The following SPINK1 variants were observed in gnomAD, a reference collection of about 807,000 sequenced individuals.
SPINK1 encodes serine peptidase inhibitor Kazal type 1, also known as serine protease inhibitor Kazal-type 1.
A neutral mutation model predicts 9.5 loss-of-function variants in SPINK1; 5 were observed. The observed-to-expected ratio is 0.52, with a 90% confidence interval of 0.27 to 1.10. The LOEUF (loss-of-function observed/expected upper bound fraction) is 1.10. Among genes scored for constraint, SPINK1 ranks in the 50% least tolerant of loss-of-function variants. SPINK1 has a pLI of 0.11. For synonymous variants in SPINK1, 37 were observed against 32.3 expected, an observed-to-expected ratio of 1.14 and a Z score of -0.49; for missense variants, 88 against 92.7, an observed-to-expected ratio of 0.95 and a Z score of 0.21.
intron 1 of SPINK1, among the ~76,000 whole-genome samples, 174 bp from the exon 2 acceptor site, chr5:147,829,804 C>T (rs1049657183): frequency 6.6e-6 from 1 of 152,144 alleles, no homozygotes; most frequent in Non-Finnish European, 1.5e-5. Flanking sequence ...TTTTCCTGTA[C>T]CCCTTCCTTG....
intron 1 of SPINK1, among the ~76,000 whole-genome samples, chr5:147,830,256 A>G (rs1341338372): frequency 6.6e-6 from 1 of 152,180 alleles, no homozygotes. Flanking sequence ...TCTAACTCAC[A>G]TTTGTTGAAT....
chr5:147,831,633 T>C lies in SPINK1; in HGVS notation c.-56A>G. 6.2e-7 allele frequency: 1 copy of C among 1,607,668 alleles called. No individual in the cohort carries two copies. The highest frequency in any genetic ancestry group is 1.1e-5 in the South Asian group (1 of 90,432). ...AAAACTGCACCGCACTTACCACGTC[T>C]CTTCAGAAGCCTGGGACTGGAAGGG... On this transcript the variant is annotated 5_prime_UTR_variant, in exon 1 of 4. Transcript: ENST00000296695.
At chr5:147,835,496 T>C (rs1293577405), upstream of SPINK1, among the ~76,000 whole-genome samples, 1 of 152,132 alleles carries the variant, frequency 6.6e-6, no homozygotes, top group African/African-American at 2.4e-5. Flanking sequence ...TGAATGTGTT[T>C]ACATTGCTCA....
rs1756446420 is a variant in SPINK1 at position 147,828,185 on chromosome 5, G to A, written c.88-57C>T. The A allele has an allele frequency of 6.8e-6, 9 of 1,322,108 alleles. No individual in the cohort carries two copies. In the Admixed American group the frequency reaches 1.3e-4, roughly 18 times the overall value. 81.9% of individuals were successfully genotyped at this position (1,322,108 alleles called of 1,614,324 possible). A position where few individuals can be genotyped will look rare whatever the true frequency, so the allele number is the denominator to read the frequency against. On this transcript the variant is annotated intron_variant, in intron 2 of 3. Coordinates refer to ENST00000296695, the MANE Select transcript of SPINK1 (RefSeq NM_001379610.1). ...ATTATTCTCCATTCTTGAGTTCATA[G>A]CAAAATCTCTGAAATGGTTTTATTT...
upstream of SPINK1, among the ~76,000 whole-genome samples, chr5:147,836,296 T>TTGTGTGTGTGTGTGTGTG (rs58122057): frequency 2.1e-4 from 31 of 146,544 alleles, no homozygotes; most frequent in African/African-American, 6.5e-4. Context: ...ATTTACTGAT[T>TTGTGTGTGTGTGTGTGTG]TGTGTGTGTG....
intron 3 of SPINK1, among the ~76,000 whole-genome samples, chr5:147,825,844 C>T (rs1756394430): frequency 6.6e-6 from 1 of 152,200 alleles, no homozygotes; most frequent in African/African-American, 2.4e-5. Context: ...CACACCTAAA[C>T]AGAATAAACA....
At chr5:147,834,614 C>T (rs915477555), upstream of SPINK1, among the ~76,000 whole-genome samples, 7 of 151,954 alleles carry the variant, frequency 4.6e-5, no homozygotes, top group Admixed American at 1.3e-4. Flanking sequence ...AAGGAAGGTT[C>T]ATATATGAGA....
At chr5:147,828,435 A>G (rs966851266) in intron 2 of SPINK1, among the ~76,000 whole-genome samples, 4 of 152,142 alleles carry the variant, frequency 2.6e-5, no homozygotes, top group African/African-American at 4.8e-5. Context: ...TGAGATTTAC[A>G]TGGATGGGTG....
In SPINK1 at chr5:147,826,851, G is replaced by T. The variant is rs1168975371; in HGVS notation, c.194+1171C>A. On this transcript the variant is annotated intron_variant, in intron 3 of 3. Coordinates refer to ENST00000296695, the MANE Select transcript of SPINK1 (RefSeq NM_001379610.1). ...TGGTTTAAAACAGCCCAAGAAGAAG[G>T]TTTGCATTACAGAAAAGGGAATTTA... Among the ~76,000 whole-genome samples, 3 of 152,044 alleles carry T rather than the reference G, an allele frequency of 2.0e-5. No homozygotes were observed. In the East Asian group the frequency reaches 5.8e-4, roughly 29 times the overall value.
At chr5:147,834,568 T>G (rs766085581), upstream of SPINK1, among the ~76,000 whole-genome samples, 6 of 152,144 alleles carry the variant, frequency 3.9e-5, no homozygotes, top group Non-Finnish European at 7.4e-5. Flanking sequence ...AAATAGTAGT[T>G]TTGTGACCAG....
chr5:147,831,408 G>C (rs1756505427), intron 1 of SPINK1, 115 bp downstream of exon 1: 2 of 1,339,522 alleles, frequency 1.5e-6, no homozygotes, highest in African/African-American at 2.9e-5. Flanking sequence ...CATCTCATTA[G>C]GTCCAAAACA....
Position 147,828,890 on chromosome 5 carries a change from C to T in SPINK1, c.87+709G>A, listed in dbSNP as rs567255796. ...CTCCCCACCAGTTTTGTTTTACTAA[C>T]ACTCATTTTTTTTTTTTGGCTCAAA... is the stretch of plus-strand genomic sequence containing the variant. On this transcript the variant is annotated intron_variant, in intron 2 of 3. Transcript: ENST00000296695. Among the ~76,000 whole-genome samples the T allele has an allele frequency of 1.2e-3, 180 of 149,436 alleles. 2 individuals carry two copies. The highest frequency in any genetic ancestry group is 3.7e-3 in the African/African-American group (151 of 40,602).
chr5:147,829,586 A>T lies in SPINK1; in HGVS notation c.87+13T>A. ...CCAGTCTGAGAAATAAGAAATTACA[A>T]ATATCTCTTTACCTCTCTTCCCAGG... On this transcript the variant is annotated intron_variant, in intron 2 of 3. Transcript: ENST00000296695. 6.2e-7 allele frequency: 1 copy of T among 1,611,480 alleles called. No individual in the cohort carries two copies. The highest frequency in any genetic ancestry group is 1.1e-5 in the South Asian group (1 of 90,986).
At chr5:147,828,150 A>G in intron 2 of SPINK1, 22 bp from the exon 3 acceptor site, 1 of 1,559,450 alleles carries the variant, frequency 6.4e-7, no homozygotes. Flanking sequence ...ATTAAACAGA[A>G]TCATTTCCCA....
At chr5:147,835,464 C>T (rs1430743030), upstream of SPINK1, among the ~76,000 whole-genome samples, 2 of 152,028 alleles carry the variant, frequency 1.3e-5, no homozygotes, top group African/African-American at 2.4e-5. Flanking sequence ...ATCCTGCCAC[C>T]GTGCTAGACT....
chr5:147,832,176 A>G (rs543710375), upstream of SPINK1, among the ~76,000 whole-genome samples: 15 of 152,262 alleles, frequency 9.9e-5, 1 homozygote, highest in Non-Finnish European at 2.9e-5. Flanking sequence ...CAGTTCCCTA[A>G]AGCGTGTATT....
In SPINK1 at chr5:147,828,895, A is replaced by ATT. The variant is rs34409032; in HGVS notation, c.87+702_87+703dup. Among the ~76,000 whole-genome samples, 85 of 146,256 alleles carry ATT rather than the reference A, an allele frequency of 5.8e-4. 1 individual carries two copies. The highest frequency in any genetic ancestry group is 2.0e-3 in the African/African-American group (82 of 40,012). ...CACCAGTTTTGTTTTACTAACACTC[A>ATT]TTTTTTTTTTTTGGCTCAAAATAAC... On this transcript the variant is annotated intron_variant, in intron 2 of 3. Transcript: ENST00000296695.
the SPINK1 span, among the ~76,000 whole-genome samples, chr5:147,839,067 T>C: frequency 1.2e-3 from 189 of 152,316 alleles, 1 homozygote; most frequent in East Asian, 0.03. Context: ...GACTGCGTAC[T>C]TTATAAAGGA....
chr5:147,827,912 G>T (rs1490048620), intron 3 of SPINK1, 110 bp downstream of exon 3: 2 of 777,284 alleles, frequency 2.6e-6, no homozygotes, highest in African/African-American at 1.8e-5. Context: ...AACTGTTTTT[G>T]GAAAAAGTAA....
Sources: allele counts gnomAD v4.1 joint callset (sites outside exome capture counted in the v4.1 genomes callset), GRCh38; gene constraint gnomAD v4.1.1; transcripts MANE v1.5; gene names NCBI Gene and HGNC (gene_info 2026-07-23, HGNC 2026-07-21).